Variants in ATG10 observed in about 807,000 individuals in gnomAD.
ATG10 encodes autophagy related 10.
A neutral mutation model predicts 32.1 loss-of-function variants in ATG10; 30 were observed. That is an observed-to-expected ratio of 0.94 (90% confidence interval 0.70 to 1.27). The LOEUF is 1.27. Ranked by LOEUF, ATG10 falls within the 50% of genes most tolerant of loss-of-function variation. The pLI, the probability that ATG10 is intolerant of heterozygous loss-of-function variation, is 0.00. For missense variants in ATG10, 233 were observed against 262.3 expected (o/e 0.89, Z 0.77); for synonymous variants, 87 against 91.5 (o/e 0.95, Z 0.28).
chr5:82,081,343 C>G (rs947513504), intron 3 of ATG10, among the ~76,000 whole-genome samples: 1 of 152,104 alleles, frequency 6.6e-6, no homozygotes, highest in Non-Finnish European at 1.5e-5. Flanking sequence ...AATTGAATAC[C>G]CTTTATTTCT....
intron 2 of ATG10, among the ~76,000 whole-genome samples, chr5:82,022,932 A>C (rs567595062): frequency 3.3e-5 from 5 of 151,706 alleles, no homozygotes; most frequent in African/African-American, 1.2e-4. Flanking sequence ...TAGAAGCTGA[A>C]GTTTTATCTA....
chr5:82,185,297 T>C (rs756391501), intron 5 of ATG10, among the ~76,000 whole-genome samples: 18 of 152,340 alleles, frequency 1.2e-4, no homozygotes, highest in Non-Finnish European at 2.6e-4. Flanking sequence ...AACCAAAACT[T>C]TGGAGGTTCT....
chr5:82,084,714 T>G (rs1017151845), intron 3 of ATG10, among the ~76,000 whole-genome samples: 3 of 152,158 alleles, frequency 2.0e-5, no homozygotes, highest in African/African-American at 7.2e-5. Context: ...AACCCAGAAT[T>G]TCATATCCAG....
At chr5:82,216,524 A>C (rs1745685809) in intron 5 of ATG10, among the ~76,000 whole-genome samples, 1 of 152,210 alleles carries the variant, frequency 6.6e-6, no homozygotes, top group Non-Finnish European at 1.5e-5. Context: ...AAAATACCAG[A>C]ATCAAGTAAG....
chr5:82,164,510 G>A lies in ATG10; in HGVS notation c.328G>A (p.Val110Ile), dbSNP rs148094497. Residue 110 changes from valine to isoleucine, a missense_variant, in exon 4 of 8, where the codon GTA becomes ATA. Coordinates refer to ENST00000282185, the MANE Select transcript of ATG10 (RefSeq NM_031482.5). The stretch of plus-strand genomic sequence containing the variant: ...ATATTCCTGTAGCTACCAAGTGCCT[G>A]TACTTTACTTTAGGGCAAGCTTTTT... ...VLYSCSYQVP[V>I]LYFRASFLDG... The A allele has an allele frequency of 1.3e-5, 21 of 1,613,338 alleles. No individual in the cohort carries two copies. The Middle Eastern group carries it at 8.3e-4, about 63-fold the overall frequency.
intron 1 of ATG10, among the ~76,000 whole-genome samples, chr5:81,977,831 G>C (rs1049383403): frequency 3.9e-5 from 6 of 152,144 alleles, no homozygotes; most frequent in Non-Finnish European, 8.8e-5. Context: ...GGTATTGTAG[G>C]TACTGAGTGA....
intron 3 of ATG10, among the ~76,000 whole-genome samples, chr5:82,095,472 G>A (rs1466605247): frequency 1.3e-5 from 2 of 152,114 alleles, no homozygotes; most frequent in Non-Finnish European, 2.9e-5. Flanking sequence ...TGGATTATGG[G>A]ATGAGTTTAT....
At chr5:82,073,626 A>G (rs1479392801) in intron 3 of ATG10, 2 of 152,202 alleles carry the variant, frequency 1.3e-5, no homozygotes, top group Non-Finnish European at 2.9e-5. Flanking sequence ...AGCTGTATGT[A>G]AGCATGTATG....
intron 3 of ATG10, among the ~76,000 whole-genome samples, chr5:82,078,961 G>A (rs1561287154): frequency 6.6e-6 from 1 of 152,104 alleles, no homozygotes; most frequent in Non-Finnish European, 1.5e-5. Context: ...CCATTGTTCA[G>A]GATCTGAACT....
At chr5:81,987,424 C>T (rs1409083370) in intron 1 of ATG10, 135 bp from the exon 2 acceptor site, 1 of 621,952 alleles carries the variant, frequency 1.6e-6, no homozygotes, top group East Asian at 2.9e-5. Flanking sequence ...CACGCCTGGC[C>T]AAAACCATTT....
At chr5:82,014,811 C>T (rs796459290) in intron 2 of ATG10, among the ~76,000 whole-genome samples, 1 of 152,152 alleles carries the variant, frequency 6.6e-6, no homozygotes, top group South Asian at 2.1e-4. Context: ...TTAATTGGAG[C>T]ATTTAGCCCA....
intron 5 of ATG10, among the ~76,000 whole-genome samples, chr5:82,192,797 T>G (rs1191439599): frequency 6.6e-6 from 1 of 152,188 alleles, no homozygotes; most frequent in Non-Finnish European, 1.5e-5. Context: ...GTCAATAGAA[T>G]TGTTGAGCTT....
At chr5:82,149,582 G>A (rs1767505700) in intron 3 of ATG10, among the ~76,000 whole-genome samples, 1 of 151,196 alleles carries the variant, frequency 6.6e-6, no homozygotes. Flanking sequence ...CACTACTACT[G>A]TTTGTTTTTT....
intron 2 of ATG10, among the ~76,000 whole-genome samples, chr5:81,993,360 C>CTTTCTTTCCTTCCTTCTTTCTTTTCTT: frequency 4.3e-5 from 2 of 46,772 alleles, no homozygotes; most frequent in Non-Finnish European, 8.1e-5. Flanking sequence ...TCTTTCTTTC[C>CTTTCTTTCCTTCCTTCTTTCTTTTCTT]TTCTTTTCTT....
At chr5:82,124,879 A>G (rs559923798) in intron 3 of ATG10, among the ~76,000 whole-genome samples, 1 of 152,274 alleles carries the variant, frequency 6.6e-6, no homozygotes, top group African/African-American at 2.4e-5. Context: ...GTCTTCCACA[A>G]TGCTTTAATA....
chr5:81,981,414 C>T (rs990337753), intron 1 of ATG10, among the ~76,000 whole-genome samples: 5 of 152,196 alleles, frequency 3.3e-5, no homozygotes, highest in African/African-American at 1.2e-4. Context: ...AAGGACCTTG[C>T]TAGGTAAGTG....
intron 3 of ATG10, among the ~76,000 whole-genome samples, chr5:82,155,963 T>C (rs1767782436): frequency 6.6e-6 from 1 of 152,086 alleles, no homozygotes; most frequent in Non-Finnish European, 1.5e-5. Context: ...GAGTAACATA[T>C]TAAGCCACTA....
chr5:82,049,107 CT>C (rs1763318349), intron 2 of ATG10, among the ~76,000 whole-genome samples: 1 of 150,482 alleles, frequency 6.6e-6, no homozygotes, highest in African/African-American at 2.5e-5. Context: ...ACGTATGTTT[CT>C]TGCGGCATTA....
At chr5:82,010,158 C>A (rs1762091239) in intron 2 of ATG10, 1 of 1,324,998 alleles carries the variant, frequency 7.5e-7, no homozygotes, top group Admixed American at 1.9e-5. Flanking sequence ...TATTTCTTGT[C>A]CTCAAGGTCT....
Sources: allele counts gnomAD v4.1 joint callset (sites outside exome capture counted in the v4.1 genomes callset), GRCh38; gene constraint gnomAD v4.1.1; transcripts MANE v1.5; gene names NCBI Gene and HGNC (gene_info 2026-07-23, HGNC 2026-07-21).